RSRC1: variants seen among roughly 807,000 people sequenced by gnomAD.
The protein encoded by RSRC1 is arginine and serine rich coiled-coil 1.
In RSRC1, 39 loss-of-function variants were observed where a neutral mutation model predicts 49.1. The ratio of observed to expected loss-of-function variants is 0.79; its 90% CI spans 0.61 to 1.04. The LOEUF (loss-of-function observed/expected upper bound fraction) is 1.04. RSRC1 is among the 50% of genes least tolerant of loss of function. The probability of loss-of-function intolerance (pLI) is 0.00; values close to 1 mark genes in which losing one functional copy is unlikely to be tolerated. For missense variants in RSRC1, 388 were observed against 402.4 expected, an observed-to-expected ratio of 0.96 and a Z score of 0.31; for synonymous variants, 143 against 130.8, an observed-to-expected ratio of 1.09 and a Z score of -0.63.
chr3:158,359,089 T>C (rs1731332824), intron 6 of RSRC1, among the ~76,000 whole-genome samples: 1 of 152,152 alleles, frequency 6.6e-6, no homozygotes, highest in Non-Finnish European at 1.5e-5. Flanking sequence ...AGGGTGATAG[T>C]GGGGTCATTT....
intron 7 of RSRC1, among the ~76,000 whole-genome samples, chr3:158,467,662 G>A (rs1474593234): frequency 6.6e-6 from 1 of 152,182 alleles, no homozygotes; most frequent in Non-Finnish European, 1.5e-5. Context: ...TGAAATGGTA[G>A]CAGAGTACAT....
chr3:158,351,344 G>A (rs1289347589), intron 5 of RSRC1, among the ~76,000 whole-genome samples: 1 of 152,198 alleles, frequency 6.6e-6, no homozygotes, highest in African/African-American at 2.4e-5. Context: ...AAGGCTATTT[G>A]CAGATGGGCA....
chr3:158,202,391 A>T (rs1230985959), intron 3 of RSRC1, among the ~76,000 whole-genome samples: 1 of 151,210 alleles, frequency 6.6e-6, no homozygotes, highest in African/African-American at 2.4e-5. Flanking sequence ...CTTCATGTTG[A>T]ATAGGCTCAG....
At chr3:158,234,279 G>A (rs1318918716) in intron 4 of RSRC1, among the ~76,000 whole-genome samples, 1 of 152,110 alleles carries the variant, frequency 6.6e-6, no homozygotes, top group Non-Finnish European at 1.5e-5. Context: ...TGGGGTTTTA[G>A]TAATGAAGAC....
chr3:158,122,035 T>A, intron 1 of RSRC1, 68 bp from the exon 2 acceptor site: 2 of 850,178 alleles, frequency 2.4e-6, no homozygotes, highest in Non-Finnish European at 3.3e-6. Flanking sequence ...AATAAAAAAT[T>A]AATATATTGC....
At position 158,132,581 on chromosome 3, in the gene RSRC1, A is replaced by G. The variant is rs528071566; in HGVS notation, c.320+8590A>G. The stretch of plus-strand genomic sequence containing the variant: ...ACTTAAAAATTAGGTTAGTCTCTTT[A>G]AAATTGCAAGATTGCTATTCCATTC... On this transcript the variant is annotated intron_variant, in intron 3 of 9. Transcript: ENST00000611884. 5.9e-5 allele frequency among the ~76,000 whole-genome samples: 9 copies of G among 152,310 alleles called. 1 individual carries two copies. In the South Asian group the frequency reaches 1.7e-3, roughly 28 times the overall value.
intron 3 of RSRC1, among the ~76,000 whole-genome samples, chr3:158,148,468 A>G (rs568764111): frequency 3.9e-5 from 6 of 152,080 alleles, no homozygotes; most frequent in Non-Finnish European, 8.8e-5. Context: ...TTAGATTAGG[A>G]GTCACAGGAC....
intron 3 of RSRC1, among the ~76,000 whole-genome samples, chr3:158,135,165 TG>T (rs1486314347): frequency 6.6e-6 from 1 of 152,198 alleles, no homozygotes; most frequent in Non-Finnish European, 1.5e-5. Flanking sequence ...TTGAACTTAG[TG>T]TAAGTTCTTA....
chr3:158,152,024 TTG>T (rs1266142108), intron 3 of RSRC1, among the ~76,000 whole-genome samples: 2 of 152,178 alleles, frequency 1.3e-5, no homozygotes, highest in African/African-American at 4.8e-5. Context: ...TCTAGTGTAT[TTG>T]TATATTTAAT....
rs375305594 is a variant in RSRC1, at chr3:158,470,321, AACACACAC to A, written c.652+9352_652+9359del. Among the ~76,000 whole-genome samples the A allele has an allele frequency of 4.2e-3, 575 of 136,874 alleles. 1 individual carries two copies. The highest frequency in any genetic ancestry group is 0.011 in the African/African-American group (408 of 36,592). The allele number at this position is 136,874 out of a possible 152,430, so 89.8% of individuals were successfully genotyped here. A position where few individuals can be genotyped will look rare whatever the true frequency, so the allele number is the denominator to read the frequency against. The stretch of plus-strand genomic sequence containing the variant: ...AGCCTTGTTTTTCTCTGCTCTTAGA[AACACACAC>A]ACACACACACACACACACACACACA... On this transcript the variant is annotated intron_variant, in intron 7 of 9. Transcript: ENST00000611884.
At chr3:158,227,133 C>T (rs1240731268) in intron 4 of RSRC1, among the ~76,000 whole-genome samples, 1 of 151,928 alleles carries the variant, frequency 6.6e-6, no homozygotes, top group African/African-American at 2.4e-5. Flanking sequence ...TATCCCTCCT[C>T]CTTTAACCAA....
chr3:158,189,789 G>C (rs147481318), intron 3 of RSRC1, among the ~76,000 whole-genome samples: 2,009 of 151,552 alleles, frequency 0.013, 28 homozygotes, highest in Non-Finnish European at 0.02. Context: ...TTTTCTATTT[G>C]TCCAATCCAT....
At chr3:158,163,549 G>T (rs1432397768) in intron 3 of RSRC1, among the ~76,000 whole-genome samples, 1 of 151,904 alleles carries the variant, frequency 6.6e-6, no homozygotes, top group Non-Finnish European at 1.5e-5. Context: ...TACTTTTTTT[G>T]TTATAACAGT....
intron 4 of RSRC1, among the ~76,000 whole-genome samples, chr3:158,292,779 GTTTATTT>G: frequency 6.6e-6 from 1 of 152,186 alleles, no homozygotes; most frequent in East Asian, 1.9e-4. Context: ...CATTTCTATA[GTTTATTT>G]TTTATCTTCA....
chr3:158,215,298 G>GTTTTTTTTTTTTTTTTTTTGTTTT (rs34551128), intron 4 of RSRC1, among the ~76,000 whole-genome samples: 1 of 131,218 alleles, frequency 7.6e-6, no homozygotes, highest in African/African-American at 2.8e-5. Flanking sequence ...CATATAGATA[G>GTTTTTTTTTTTTTTTTTTTGTTTT]TTTTTTTTTT....
At chr3:158,211,434 T>C (rs761493037) in intron 4 of RSRC1, among the ~76,000 whole-genome samples, 1 of 151,990 alleles carries the variant, frequency 6.6e-6, no homozygotes, top group Non-Finnish European at 1.5e-5. Context: ...AAACGTAGGC[T>C]ACCAAAAATC....
chr3:158,376,082 CCCTT>C (rs1378455437), intron 6 of RSRC1, among the ~76,000 whole-genome samples: 1 of 145,902 alleles, frequency 6.9e-6, no homozygotes, highest in Non-Finnish European at 1.5e-5. Flanking sequence ...CTCTCGACCC[CCCTT>C]CCTTCCTTCC....
At chr3:158,510,557 A>G (rs1740101406) in intron 7 of RSRC1, among the ~76,000 whole-genome samples, 1 of 152,152 alleles carries the variant, frequency 6.6e-6, no homozygotes, top group Non-Finnish European at 1.5e-5. Context: ...TTTATGGGGT[A>G]CATGAAATGT....
intron 6 of RSRC1, among the ~76,000 whole-genome samples, chr3:158,433,717 G>A (rs979785016): frequency 2.4e-4 from 36 of 151,916 alleles, no homozygotes; most frequent in African/African-American, 8.2e-4. Context: ...TCTAAAATCT[G>A]TCCAAATATC....
Sources: allele counts gnomAD v4.1 joint callset (sites outside exome capture counted in the v4.1 genomes callset), GRCh38; gene constraint gnomAD v4.1.1; transcripts MANE v1.5; gene names NCBI Gene and HGNC (gene_info 2026-07-23, HGNC 2026-07-21).